FBXL2: variants seen among roughly 807,000 people sequenced by gnomAD.
FBXL2 encodes F-box/LRR-repeat protein 2.
A neutral mutation model predicts 69.2 loss-of-function variants in FBXL2; 38 were observed. That is an observed-to-expected ratio of 0.55 (90% CI 0.42 to 0.72). The LOEUF (loss-of-function observed/expected upper bound fraction) is 0.72. Ranked by LOEUF, FBXL2 falls within the 30% of genes least tolerant of loss-of-function variation. The pLI is 0.00. For synonymous variants in FBXL2, 192 were observed against 201.3 expected (o/e 0.95, Z 0.39); for missense variants, 354 against 520.3 (o/e 0.68, Z 3.11).
At chr3:33,296,400 T>A (rs1253112226) in intron 1 of FBXL2, among the ~76,000 whole-genome samples, 4 of 151,920 alleles carry the variant, frequency 2.6e-5, no homozygotes, top group Non-Finnish European at 4.4e-5. Flanking sequence ...AGTTTATCAA[T>A]TTTTTTTGGA....
intron 2 of FBXL2, chr3:33,303,029 A>G (rs567294625): frequency 9.0e-5 from 41 of 456,404 alleles, no homozygotes; most frequent in Non-Finnish European, 1.5e-4. Context: ...CATTCCTGCT[A>G]TGGGTCTCAT....
At chr3:33,320,904 C>G (rs2038145369) in intron 2 of FBXL2, among the ~76,000 whole-genome samples, 1 of 151,906 alleles carries the variant, frequency 6.6e-6, no homozygotes, top group Non-Finnish European at 1.5e-5. Flanking sequence ...AAAGGAAAGC[C>G]ACAAACTAAA....
intron 1 of FBXL2, among the ~76,000 whole-genome samples, chr3:33,277,716 C>T (rs1158965468): frequency 1.3e-5 from 2 of 151,904 alleles, no homozygotes; most frequent in Admixed American, 6.6e-5. Flanking sequence ...GCCCGCCTGC[C>T]GGGGGGCGAC....
chr3:33,390,103 C>T (rs1027432720), downstream of FBXL2: 2 of 509,184 alleles, frequency 3.9e-6, no homozygotes, highest in Non-Finnish European at 7.1e-6. Flanking sequence ...GCCTCCAGAG[C>T]TGGATGCATG....
intron 1 of FBXL2, among the ~76,000 whole-genome samples, chr3:33,282,510 G>A (rs1381766122): frequency 6.6e-6 from 1 of 152,150 alleles, no homozygotes; most frequent in Admixed American, 6.6e-5. Flanking sequence ...TTTTGGCTTA[G>A]AATTGTCTTG....
At chr3:33,418,795 G>T in the FBXL2 span, among the ~76,000 whole-genome samples, 1 of 148,846 alleles carries the variant, frequency 6.7e-6, no homozygotes, top group Non-Finnish European at 1.5e-5. Context: ...GGAGGCGGAG[G>T]TTGCAGTAAG....
intron 2 of FBXL2, among the ~76,000 whole-genome samples, chr3:33,344,856 A>G (rs1005011506): frequency 2.6e-5 from 4 of 152,188 alleles, no homozygotes; most frequent in Non-Finnish European, 4.4e-5. Flanking sequence ...CTGATACCAG[A>G]AACAAAAGGG....
At chr3:33,378,204 A>C (rs931578108) in intron 12 of FBXL2, 57 bp downstream of exon 12, 22 of 1,502,410 alleles carry the variant, frequency 1.5e-5, no homozygotes, top group Non-Finnish European at 2.0e-5. Flanking sequence ...ATTGCTGGCC[A>C]GTGCAGCACA....
At chr3:33,284,959 C>T (rs974792237) in intron 1 of FBXL2, among the ~76,000 whole-genome samples, 1 of 152,136 alleles carries the variant, frequency 6.6e-6, no homozygotes, top group Admixed American at 6.5e-5. Flanking sequence ...ATATGGGTCT[C>T]CTGAATACAG....
chr3:33,388,803 T>C (rs1301764447), downstream of FBXL2: 1 of 152,208 alleles, frequency 6.6e-6, no homozygotes, highest in African/African-American at 2.4e-5. Context: ...TTGTAGCAAA[T>C]AATTAACCCC....
chr3:33,279,310 G>A (rs1475282223), intron 1 of FBXL2, among the ~76,000 whole-genome samples: 2 of 150,386 alleles, frequency 1.3e-5, no homozygotes, highest in African/African-American at 2.5e-5. Flanking sequence ...TCGCTCTGTC[G>A]CCCAGGCTGG....
chr3:33,312,291 C>G (rs1344395014), intron 2 of FBXL2, among the ~76,000 whole-genome samples: 1 of 151,920 alleles, frequency 6.6e-6, no homozygotes, highest in Non-Finnish European at 1.5e-5. Flanking sequence ...CTCCTGGGCT[C>G]CAAGCAGTCC....
the FBXL2 span, chr3:33,409,648 T>C: frequency 1.2e-6 from 2 of 1,612,500 alleles, no homozygotes; most frequent in Non-Finnish European, 1.7e-6. Context: ...CTTCCACTGG[T>C]TATTTTTCTA....
intron 1 of FBXL2, among the ~76,000 whole-genome samples, chr3:33,282,333 G>A (rs974399607): frequency 6.6e-6 from 1 of 152,022 alleles, no homozygotes; most frequent in African/African-American, 2.4e-5. Context: ...TTTTTGTCAG[G>A]TTTGTCAAAG....
intron 1 of FBXL2, among the ~76,000 whole-genome samples, chr3:33,286,160 T>G (rs2125683346): frequency 6.6e-6 from 1 of 152,344 alleles, no homozygotes; most frequent in South Asian, 2.1e-4. Flanking sequence ...TCTCCTCATC[T>G]TTGTGGTTTT....
intron 1 of FBXL2, among the ~76,000 whole-genome samples, chr3:33,290,806 G>GA (rs2035148267): frequency 2.6e-5 from 4 of 152,050 alleles, no homozygotes; most frequent in Admixed American, 2.0e-4. Flanking sequence ...TCAACTTTCT[G>GA]AAAATCAAAA....
chr3:33,389,965 A>T, downstream of FBXL2: 1 of 203,622 alleles, frequency 4.9e-6, no homozygotes, highest in Non-Finnish European at 1.0e-5. Context: ...CAGAAAGGTA[A>T]ATGCCCACAG....
chr3:33,413,078 G>A, the FBXL2 span, among the ~76,000 whole-genome samples: 16 of 152,134 alleles, frequency 1.1e-4, no homozygotes, highest in African/African-American at 3.9e-4. Context: ...TTTATAAAAT[G>A]ATTTGTTATT....
At chr3:33,408,617 G>A, downstream of FBXL2, 11 of 1,256,200 alleles carry the variant, frequency 8.8e-6, no homozygotes, top group Non-Finnish European at 1.2e-5. Context: ...TTACTTTGCG[G>A]TGGAAGTTGG....
Sources: gnomAD v4.1 joint callset for allele counts (sites outside exome capture counted in the v4.1 genomes callset) on GRCh38, gnomAD v4.1.1 for gene constraint, MANE v1.5 for transcripts, NCBI Gene and HGNC (gene_info 2026-07-23, HGNC 2026-07-21) for gene names.